The following NSUN7 variants were observed in gnomAD, a reference collection of about 807,000 sequenced individuals.
The protein encoded by NSUN7 is protein NSUN7.
A neutral mutation model predicts 58.5 loss-of-function variants in NSUN7; 39 were observed. The ratio of observed to expected loss-of-function variants is 0.67; its 90% CI spans 0.52 to 0.87. NSUN7 has a LOEUF of 0.87. Among genes scored for constraint, NSUN7 ranks in the 40% least tolerant of loss-of-function variants. The pLI is 0.00. For synonymous variants in NSUN7, 278 were observed against 303.7 expected (o/e 0.92, Z 0.88); for missense variants, 765 against 844.1 (o/e 0.91, Z 1.16).
At chr4:40,801,581 TTAAA>T (rs1329093091) in intron 10 of NSUN7, among the ~76,000 whole-genome samples, 1 of 152,138 alleles carries the variant, frequency 6.6e-6, no homozygotes, top group Non-Finnish European at 1.5e-5. Context: ...CTTTTTATTT[TTAAA>T]TAAATACTTG....
intron 7 of NSUN7, among the ~76,000 whole-genome samples, chr4:40,784,841 C>T (rs1307675546): frequency 6.6e-6 from 1 of 152,100 alleles, no homozygotes; most frequent in Non-Finnish European, 1.5e-5. Context: ...ACAGACCTCT[C>T]TCAAATTGAA....
chr4:40,793,013 A>G (rs1377481171), intron 8 of NSUN7, among the ~76,000 whole-genome samples: 1 of 152,244 alleles, frequency 6.6e-6, no homozygotes, highest in Non-Finnish European at 1.5e-5. Flanking sequence ...TGAGAAATAT[A>G]TGAAGTTGGT....
intron 10 of NSUN7, among the ~76,000 whole-genome samples, chr4:40,803,370 C>T (rs1743672795): frequency 6.6e-6 from 1 of 152,166 alleles, no homozygotes; most frequent in Non-Finnish European, 1.5e-5. Context: ...ACACTGACTT[C>T]CACAATGGTT....
intron 7 of NSUN7, chr4:40,786,079 A>G (rs899133031): frequency 1.2e-4 from 186 of 1,538,352 alleles, no homozygotes; most frequent in Non-Finnish European, 1.5e-4. Flanking sequence ...AGAGAAAAGC[A>G]TTTCAATTTG....
rs1744009612 is a variant in NSUN7, at chr4:40,808,771, C to G, written c.1989C>G (p.Pro663=). Residue 663 remains proline, a synonymous_variant, in exon 12 of 12, where the codon CCC becomes CCG. Coordinates refer to ENST00000381782, the MANE Select transcript of NSUN7 (RefSeq NM_024677.6). The part of the protein sequence containing the change: ...LPPVFMPFSS[P]QGIRSRMPTQ... ...CAGTCTTTATGCCATTTTCAAGTCC[C>G]CAAGGGATCAGATCTCGGATGCCAA... 5 of 1,549,492 alleles carry G rather than the reference C, an allele frequency of 3.2e-6. No individual in the cohort carries two copies. Among genetic ancestry groups the G allele is most frequent in the Middle Eastern group, 3.3e-4 (2 of 6,016 alleles).
In NSUN7 at chr4:40,798,882, G is replaced by C; in HGVS notation, c.1378G>C (p.Gly460Arg). Residue 460 changes from glycine to arginine, a missense_variant, in exon 10 of 12, where the codon GGG (glycine) becomes CGG (arginine). By Grantham distance (125) the Gly-to-Arg change is moderately radical. Coordinates refer to ENST00000381782, the MANE Select transcript of NSUN7 (RefSeq NM_024677.6). ...VKKALEFQDL[G>R]NKGQPYRLSP... is the part of the protein sequence containing the mutation. ...GAAAGCACTGGAATTTCAAGACCTTGGGAATAAAGGACAACCTTACAGGTA... is the reference window on the plus strand; with the variant it reads ...GAAAGCACTGGAATTTCAAGACCTTCGGAATAAAGGACAACCTTACAGGTA... 1 of 1,602,286 alleles carries C rather than the reference G, an allele frequency of 6.2e-7. No individual in the cohort carries two copies. Among genetic ancestry groups the C allele is most frequent in the East Asian group, 2.2e-5 (1 of 44,620 alleles).
intron 7 of NSUN7, among the ~76,000 whole-genome samples, chr4:40,784,526 A>C (rs1316709694): frequency 6.6e-6 from 1 of 152,244 alleles, no homozygotes; most frequent in Non-Finnish European, 1.5e-5. Context: ...AAAAGTCCTC[A>C]TTTATGATTA....
chr4:40,810,531 T>C lies in NSUN7; in HGVS notation c.*1592T>C, dbSNP rs1744197130. On this transcript the variant is annotated 3_prime_UTR_variant, in exon 12 of 12. Transcript: ENST00000381782. ...AGGTGCAGGTTGCAGTGAGCCAATA[T>C]TGCCCCACTGCACTCCAGCCTGGGA... 7.0e-6 allele frequency: 1 copy of C among 142,286 alleles called. No homozygotes were observed. Among genetic ancestry groups the C allele is most frequent in the African/African-American group, 2.6e-5 (1 of 37,976 alleles). The allele number at this position is 142,286 out of a possible 1,614,324, so 8.8% of individuals were successfully genotyped here.
chr4:40,782,332 G>T (rs934403495), intron 7 of NSUN7, among the ~76,000 whole-genome samples: 2 of 152,054 alleles, frequency 1.3e-5, no homozygotes, highest in Non-Finnish European at 2.9e-5. Context: ...GGAGGCTGAG[G>T]TGGGTAGATC....
At chr4:40,800,095 C>T (rs1274721068) in intron 10 of NSUN7, among the ~76,000 whole-genome samples, 1 of 152,158 alleles carries the variant, frequency 6.6e-6, no homozygotes, top group East Asian at 1.9e-4. Flanking sequence ...AAATTACTAC[C>T]AAGACATTCA....
At chr4:40,766,639 A>T (rs1474133793) in intron 4 of NSUN7, among the ~76,000 whole-genome samples, 1 of 152,218 alleles carries the variant, frequency 6.6e-6, no homozygotes, top group African/African-American at 2.4e-5. Flanking sequence ...ATTGTTTGGA[A>T]TAGTTTCAGA....
At chr4:40,790,472 T>A (rs1743027854) in intron 7 of NSUN7, 130 bp from the exon 8 acceptor site, 16 of 591,790 alleles carry the variant, frequency 2.7e-5, no homozygotes, top group Non-Finnish European at 4.6e-5. Context: ...AGCCTTCTTT[T>A]CTAACTACAT....
At chr4:40,788,399 G>A (rs1003549723) in intron 7 of NSUN7, among the ~76,000 whole-genome samples, 1 of 152,176 alleles carries the variant, frequency 6.6e-6, no homozygotes, top group African/African-American at 2.4e-5. Flanking sequence ...CCAATACCTA[G>A]AGGTCAGGAA....
intron 2 of NSUN7, among the ~76,000 whole-genome samples, chr4:40,758,434 T>C (rs1741281189): frequency 6.6e-6 from 1 of 152,218 alleles, no homozygotes; most frequent in Non-Finnish European, 1.5e-5. Context: ...TACGTAATTG[T>C]GGCTAGAATG....
intron 4 of NSUN7, among the ~76,000 whole-genome samples, chr4:40,772,648 G>A (rs1050640246): frequency 1.8e-4 from 27 of 152,128 alleles, no homozygotes; most frequent in African/African-American, 6.5e-4. Context: ...TAAGGACACT[G>A]CAGGCATGAA....
At chr4:40,806,953 A>C (rs1174812978) in intron 10 of NSUN7, 108 bp from the exon 11 acceptor site, 5 of 1,159,978 alleles carry the variant, frequency 4.3e-6, no homozygotes. Context: ...ATTTCTGTTT[A>C]AACGATTGGT....
chr4:40,760,484 A>G lies in NSUN7; in HGVS notation c.349A>G (p.Thr117Ala). ...ILIDSCIFPS[T>A]TIPDHLSSLI... is the part of the protein sequence containing the mutation. ...GATAGACAGCTGTATCTTCCCAAGT[A>G]CCACAATAGTAAGTAGATAAGTTTT... The change falls in exon 3 of 12, where the codon ACC becomes GCC. Residue 117 changes from threonine (T) to alanine (A), a missense_variant. Coordinates refer to ENST00000381782, the MANE Select transcript of NSUN7 (RefSeq NM_024677.6). 1 of 1,599,420 alleles carries G rather than the reference A, an allele frequency of 6.3e-7. No individual in the cohort carries two copies. The highest frequency in any genetic ancestry group is 8.6e-7 in the Non-Finnish European group (1 of 1,168,874).
rs1742205666 is a variant in NSUN7, at chr4:40,775,137, T to C, written c.825+187T>C. On this transcript the variant is annotated intron_variant, in intron 6 of 11. Transcript: ENST00000381782. The surrounding 1 kb of genome is among the most constrained non-coding windows in gnomAD (Gnocchi z 4.3). ...TCAGTGCATCTGGTTGGCGTCTTTG[T>C]CTCATGTGAATTTATAAAGAACATA... is the stretch of plus-strand genomic sequence containing the variant. 2.3e-5 allele frequency: 7 copies of C among 310,392 alleles called. No homozygotes were observed. In the East Asian group the frequency reaches 3.2e-4, roughly 14 times the overall value. The allele number at this position is 310,392 out of a possible 1,614,324, so 19.2% of individuals were successfully genotyped here.
intron 7 of NSUN7, among the ~76,000 whole-genome samples, chr4:40,779,163 T>TAA (rs113768278): frequency 6.8e-6 from 1 of 147,566 alleles, no homozygotes. Flanking sequence ...CTACTAAAAA[T>TAA]AAAAAAAAAA....
Sources: allele counts gnomAD v4.1 joint callset (sites outside exome capture counted in the v4.1 genomes callset), GRCh38; gene constraint gnomAD v4.1.1; non-coding constraint Gnocchi (gnomAD v3.1); transcripts MANE v1.5; gene names NCBI Gene and HGNC (gene_info 2026-07-23, HGNC 2026-07-21).